Variants in UBE3A observed in about 807,000 individuals in gnomAD.
UBE3A encodes the protein ubiquitin protein ligase E3A.
A neutral mutation model predicts 83.4 loss-of-function variants in UBE3A; 6 were observed. The ratio of observed to expected loss-of-function variants is 0.07; its 90% CI spans 0.04 to 0.14. UBE3A has a LOEUF of 0.14. UBE3A is among the 10% of genes least tolerant of loss of function. The pLI is 1.00. For synonymous variants in UBE3A, 337 were observed against 355.4 expected (o/e 0.95, Z 0.58); for missense variants, 456 against 1,036.1 (o/e 0.44, Z 7.69).
chr15:25,437,839 C>A (rs905907033), intron 1 of UBE3A, among the ~76,000 whole-genome samples: 3 of 150,106 alleles, frequency 2.0e-5, no homozygotes, highest in Non-Finnish European at 4.5e-5. Flanking sequence ...TTTTCATTTT[C>A]TACACTGAAA....
intron 4 of UBE3A, among the ~76,000 whole-genome samples, chr15:25,403,012 T>C (rs2087554851): frequency 6.6e-6 from 1 of 152,202 alleles, no homozygotes; most frequent in South Asian, 2.1e-4. Flanking sequence ...ATCCACAGCA[T>C]ATAAATTCAA....
intron 1 of UBE3A, among the ~76,000 whole-genome samples, chr15:25,430,051 T>TATATATATATATATA (rs1567190959): frequency 3.8e-5 from 3 of 78,046 alleles, no homozygotes; most frequent in Non-Finnish European, 4.3e-5. Flanking sequence ...ATATATATAT[T>TATATATATATATATA]TATATGTATT....
chr15:25,342,501 G>A (rs1345495441), intron 11 of UBE3A, among the ~76,000 whole-genome samples: 1 of 151,542 alleles, frequency 6.6e-6, no homozygotes, highest in Admixed American at 6.5e-5. Context: ...TTAACATTTT[G>A]AATTAAACAA....
intron 4 of UBE3A, among the ~76,000 whole-genome samples, chr15:25,389,372 CATAAGAAAAAATCT>C (rs2083807589): frequency 6.6e-6 from 1 of 151,608 alleles, no homozygotes; most frequent in Non-Finnish European, 1.5e-5. Context: ...TAGAGGATAA[CATAAGAAAAAATCT>C]AGATCTTGGG....
chr15:25,343,839 C>G (rs2075264765), intron 11 of UBE3A, among the ~76,000 whole-genome samples: 1 of 152,142 alleles, frequency 6.6e-6, no homozygotes, highest in Non-Finnish European at 1.5e-5. Flanking sequence ...AAACTATAAA[C>G]AGCTCTACAA....
chr15:25,437,850 A>AT (rs1555437720), intron 1 of UBE3A, among the ~76,000 whole-genome samples: 4 of 151,584 alleles, frequency 2.6e-5, no homozygotes, highest in African/African-American at 7.3e-5. Context: ...TACACTGAAA[A>AT]GGGGGGGGAA....
At position 25,334,079 on chromosome 15, in the gene UBE3A, TGG is replaced by T. The variant is rs2073848173; in HGVS notation, c.*5056_*5057del. 1 of 152,054 alleles carries T rather than the reference TGG, an allele frequency of 6.6e-6. No homozygotes were observed. The highest frequency in any genetic ancestry group is 1.5e-5 in the Non-Finnish European group (1 of 68,010). 9.4% of individuals were successfully genotyped at this position (152,054 alleles called of 1,614,324 possible). On this transcript the variant is annotated 3_prime_UTR_variant, in exon 13 of 13. Transcript: ENST00000648336. ...TTGTCACTTCTATCCAATATTGTACTGGAGGTGCTAGCCAGCACACTAAGGCA... is the reference window on the plus strand; with the variant it reads ...TTGTCACTTCTATCCAATATTGTACTAGGTGCTAGCCAGCACACTAAGGCA...
chr15:25,343,428 AAATAAG>A (rs2075188573), intron 11 of UBE3A, among the ~76,000 whole-genome samples: 1 of 152,200 alleles, frequency 6.6e-6, no homozygotes, highest in Non-Finnish European at 1.5e-5. Context: ...TCTTAAATAA[AAATAAG>A]AATACTAAAA....
At chr15:25,425,903 A>T (rs770221936) in intron 1 of UBE3A, among the ~76,000 whole-genome samples, 8 of 152,144 alleles carry the variant, frequency 5.3e-5, no homozygotes, top group Non-Finnish European at 7.4e-5. Flanking sequence ...CATGCTGGTA[A>T]ATCTGGGCTA....
At chr15:25,348,667 A>AAGAT (rs1491119615) in intron 11 of UBE3A, among the ~76,000 whole-genome samples, 14 of 152,188 alleles carry the variant, frequency 9.2e-5, no homozygotes, top group Middle Eastern at 3.2e-3. Flanking sequence ...ATTTTATTTC[A>AAGAT]AGATAGTAAT....
intron 1 of UBE3A, among the ~76,000 whole-genome samples, chr15:25,416,371 A>G (rs959366701): frequency 6.6e-6 from 1 of 152,188 alleles, no homozygotes; most frequent in East Asian, 1.9e-4. Context: ...ACAACCAACA[A>G]TGTGAATAAA....
chr15:25,403,136 C>T (rs936043145), intron 4 of UBE3A, among the ~76,000 whole-genome samples: 2 of 152,154 alleles, frequency 1.3e-5, no homozygotes, highest in Non-Finnish European at 2.9e-5. Context: ...GGAGAAAAGT[C>T]TTTAAATTTC....
intron 2 of UBE3A, among the ~76,000 whole-genome samples, chr15:25,410,793 A>T (rs1486781376): frequency 1.3e-5 from 2 of 152,146 alleles, no homozygotes; most frequent in Non-Finnish European, 1.5e-5. Flanking sequence ...AGATACTCCT[A>T]TCCTAACTAT....
rs28528079 is a variant in UBE3A, at chr15:25,371,697, T to A, written c.477A>T (p.Ala159=). The A allele has an allele frequency of 5.2e-3, 8,326 of 1,613,996 alleles. 381 individuals carry two copies. The African/African-American group carries it at 0.095, about 18-fold the overall frequency. The change falls in exon 6 of 13, where the codon GCA becomes GCT. Residue 159 remains alanine (A), a synonymous_variant. Transcript: ENST00000648336. The surrounding 1 kb of genome is among the most constrained non-coding windows in gnomAD (Gnocchi z 5.3). The stretch of plus-strand genomic sequence containing the variant: ...TAACTTTCCGGAAGCTCTGTACCAA[T>A]GCCTCAGCACTAGAAAAAACTCTTC... ...VIGRVFSSAE[A]LVQSFRKVKQ... is the part of the protein sequence containing the mutation.
chr15:25,337,348 G>T lies in UBE3A; in HGVS notation c.*1789C>A, dbSNP rs2074025027. 6.6e-6 allele frequency: 1 copy of T among 152,060 alleles called. No individual in the cohort carries two copies. Among genetic ancestry groups the T allele is most frequent in the Non-Finnish European group, 1.5e-5 (1 of 68,000 alleles). The allele number at this position is 152,060 out of a possible 1,614,324, so 9.4% of individuals were successfully genotyped here. On this transcript the variant is annotated 3_prime_UTR_variant, in exon 13 of 13. Coordinates refer to ENST00000648336, the MANE Select transcript of UBE3A (RefSeq NM_130839.5). Reference sequence around the variant, plus strand: ...ACAGTGGATGAGAAGCCTTTAAGATGACTACAGTTGCACGAAGGTCCCTTT... The same window carrying T: ...ACAGTGGATGAGAAGCCTTTAAGATTACTACAGTTGCACGAAGGTCCCTTT...
intron 2 of UBE3A, among the ~76,000 whole-genome samples, chr15:25,409,698 G>A (rs916993963): frequency 6.6e-6 from 1 of 152,066 alleles, no homozygotes; most frequent in African/African-American, 2.4e-5. Flanking sequence ...TTAAGTATAT[G>A]TAAATGAGTA....
At chr15:25,364,818 T>G (rs2078805453) in intron 6 of UBE3A, among the ~76,000 whole-genome samples, 1 of 151,784 alleles carries the variant, frequency 6.6e-6, no homozygotes, top group East Asian at 1.9e-4. Context: ...TATTTTTTTT[T>G]GTATTTTTTA....
intron 4 of UBE3A, 67 bp from the exon 5 acceptor site, chr15:25,375,830 T>A: frequency 1.6e-6 from 2 of 1,225,176 alleles, no homozygotes; most frequent in East Asian, 4.5e-5. Context: ...GCTCAACATA[T>A]CATCAAGGCA....
rs1381489337 is a variant in UBE3A at position 25,370,473 on chromosome 15, GTATCATTTTTTTCAGTCAC to G, written c.1608+74_1608+92del. 2.7e-5 allele frequency: 39 copies of G among 1,420,404 alleles called. No individual in the cohort carries two copies. Among genetic ancestry groups the G allele is most frequent in the Non-Finnish European group, 3.9e-5 (39 of 1,004,276 alleles). 88.0% of individuals were successfully genotyped at this position (1,420,404 alleles called of 1,614,324 possible). ...TGTCCATGTGTTCCTATGCTATATG[GTATCATTTTTTTCAGTCAC>G]TTTTAAAATGAATTCACTGAACTGT... is the stretch of plus-strand genomic sequence containing the variant. On this transcript the variant is annotated intron_variant, in intron 6 of 12. Coordinates refer to ENST00000648336, the MANE Select transcript of UBE3A (RefSeq NM_130839.5). The surrounding 1 kb of genome is among the most constrained non-coding windows in gnomAD (Gnocchi z 4.2).
Sources: gnomAD v4.1 joint callset for allele counts (sites outside exome capture counted in the v4.1 genomes callset) on GRCh38, gnomAD v4.1.1 for gene constraint, Gnocchi (gnomAD v3.1) non-coding constraint, MANE v1.5 for transcripts, NCBI Gene and HGNC (gene_info 2026-07-23, HGNC 2026-07-21) for gene names.